DBX2: variants seen among roughly 807,000 people sequenced by gnomAD.
DBX2 encodes homeobox protein DBX2.
A neutral mutation model predicts 17.7 loss-of-function variants in DBX2; 16 were observed. That is an observed-to-expected ratio of 0.90 (90% CI 0.61 to 1.37). The LOEUF (loss-of-function observed/expected upper bound fraction) is 1.37. DBX2 is among the 40% of genes most tolerant of loss of function. DBX2 has a pLI of 0.00. For synonymous variants in DBX2, 255 were observed against 183.8 expected (o/e 1.39, Z -3.13); for missense variants, 538 against 433.8 (o/e 1.24, Z -2.13).
intron 2 of DBX2, among the ~76,000 whole-genome samples, chr12:45,032,643 G>A (rs1342024333): frequency 1.3e-5 from 2 of 152,140 alleles, no homozygotes; most frequent in Non-Finnish European, 2.9e-5. Flanking sequence ...GAAGAAGATA[G>A]CATAATTATC....
chr12:45,036,356 T>C (rs1946441089), intron 1 of DBX2, among the ~76,000 whole-genome samples: 1 of 152,242 alleles, frequency 6.6e-6, no homozygotes, highest in South Asian at 2.1e-4. Flanking sequence ...TAGATCATTT[T>C]CTGTGCGGTC....
intron 2 of DBX2, among the ~76,000 whole-genome samples, chr12:45,032,009 C>G (rs758305995): frequency 6.2e-4 from 95 of 152,050 alleles, no homozygotes; most frequent in Non-Finnish European, 6.3e-4. Flanking sequence ...TACCCTCCCC[C>G]ACCCTTCACC....
chr12:45,038,130 A>G (rs558244409), intron 1 of DBX2, among the ~76,000 whole-genome samples: 1 of 152,152 alleles, frequency 6.6e-6, no homozygotes, highest in South Asian at 2.1e-4. Context: ...TTACATTTTC[A>G]TTATTGCTAT....
At chr12:45,031,225 T>TGTGTGTGTGAGAGA (rs1377897653) in intron 2 of DBX2, among the ~76,000 whole-genome samples, 1,529 of 85,586 alleles carry the variant, frequency 0.018, 21 homozygotes, top group Non-Finnish European at 0.019. Context: ...TGTGTGTGTG[T>TGTGTGTGTGAGAGA]GAGAGAGAGA....
Position 45,016,362 on chromosome 12 carries a change from T to C in DBX2, c.944A>G (p.Asn315Ser). 2 of 1,613,090 alleles carry C rather than the reference T, an allele frequency of 1.2e-6. No homozygotes were observed. The highest frequency in any genetic ancestry group is 1.1e-5 in the South Asian group (1 of 90,864). Reference sequence around the variant, plus strand: ...TAAATATAAGGCACCTTGCAGTGAATTTGCTTCTGGGGGTGGTGCCCCTGA... The same window carrying C: ...TAAATATAAGGCACCTTGCAGTGAACTTGCTTCTGGGGGTGGTGCCCCTGA... ...ESSGAPPPEA[N>S]SLQGALYLCS... Residue 315 changes from asparagine (N) to serine (S), a missense_variant, in exon 4 of 4, where the codon AAT becomes AGT. Asn to Ser is a conservative substitution (Grantham distance 46). Coordinates refer to ENST00000332700, the MANE Select transcript of DBX2 (RefSeq NM_001004329.3).
intron 2 of DBX2, among the ~76,000 whole-genome samples, chr12:45,026,272 T>C (rs1005959880): frequency 6.6e-6 from 1 of 152,138 alleles, no homozygotes; most frequent in African/African-American, 2.4e-5. Flanking sequence ...AGTCAGTTAA[T>C]AGAGAACTGC....
At chr12:45,031,219 T>TGAGA (rs1482006522) in intron 2 of DBX2, among the ~76,000 whole-genome samples, 5 of 87,538 alleles carry the variant, frequency 5.7e-5, no homozygotes, top group Non-Finnish European at 6.5e-5. Context: ...TGTGTGTGTG[T>TGAGA]GTGTGTGAGA....
Position 45,050,568 on chromosome 12 carries a change from C to T in DBX2, c.360G>A (p.Arg120=). 1 of 1,552,568 alleles carries T rather than the reference C, an allele frequency of 6.4e-7. No homozygotes were observed. ...PSADSARLPG[R]APGDRDCTFQ... The stretch of plus-strand genomic sequence containing the variant: ...AGGTACAGTCTCGGTCCCCCGGAGC[C>T]CGGCCCGGCAGCCTCGCACTGTCCG... Residue 120 remains arginine (R), a synonymous_variant, in exon 1 of 4, where the codon CGG becomes CGA. Coordinates refer to ENST00000332700, the MANE Select transcript of DBX2 (RefSeq NM_001004329.3).
intron 2 of DBX2, among the ~76,000 whole-genome samples, chr12:45,025,910 G>A (rs1401061399): frequency 1.3e-5 from 2 of 151,134 alleles, no homozygotes; most frequent in Non-Finnish European, 2.9e-5. Context: ...ATGTCTGAAA[G>A]CCCAAGGAAT....
At chr12:45,023,275 G>C (rs1391505134) in intron 3 of DBX2, among the ~76,000 whole-genome samples, 1 of 152,176 alleles carries the variant, frequency 6.6e-6, no homozygotes, top group Non-Finnish European at 1.5e-5. Flanking sequence ...TTCATGGTTT[G>C]ATTTTTGGAT....
intron 2 of DBX2, among the ~76,000 whole-genome samples, chr12:45,032,675 C>T (rs549783447): frequency 6.6e-5 from 10 of 152,254 alleles, no homozygotes; most frequent in Non-Finnish European, 1.2e-4. Flanking sequence ...AATATAAGTT[C>T]ATCTCCCAAA....
rs138535944 is a variant in DBX2 at position 45,040,223 on chromosome 12, C to G, written c.404-4109G>C. Among the ~76,000 whole-genome samples, 473 of 152,186 alleles carry G rather than the reference C, an allele frequency of 3.1e-3. 2 individuals are homozygous for G. Among genetic ancestry groups the G allele is most frequent in the African/African-American group, 0.011 (440 of 41,526 alleles). The stretch of plus-strand genomic sequence containing the variant: ...AGACTAGACTGGCCTAGCCTACCAG[C>G]CTACATCTTTCTCCCGTGCTTCCTT... On this transcript the variant is annotated intron_variant, in intron 1 of 3. Transcript: ENST00000332700.
intron 1 of DBX2, among the ~76,000 whole-genome samples, chr12:45,041,721 A>T (rs1383068518): frequency 6.6e-6 from 1 of 152,190 alleles, no homozygotes; most frequent in Non-Finnish European, 1.5e-5. Flanking sequence ...TATCCTTTCA[A>T]TTTAGGGCAA....
At chr12:45,025,396 T>C (rs955614511) in intron 2 of DBX2, among the ~76,000 whole-genome samples, 2 of 152,270 alleles carry the variant, frequency 1.3e-5, no homozygotes, top group South Asian at 4.1e-4. Context: ...ACACCCCTGC[T>C]TGATTTTAGC....
chr12:45,023,637 T>C, intron 3 of DBX2, 70 bp downstream of exon 3: 1 of 1,590,566 alleles, frequency 6.3e-7, no homozygotes, highest in Non-Finnish European at 8.6e-7. Flanking sequence ...CCCACCACCC[T>C]GAACACAACT....
In DBX2 at chr12:45,038,256, T is replaced by C. The variant is rs145235723; in HGVS notation, c.404-2142A>G. Among the ~76,000 whole-genome samples the C allele has an allele frequency of 5.9e-3, 895 of 151,980 alleles. 14 individuals are homozygous for C. The highest frequency in any genetic ancestry group is 0.021 in the African/African-American group (857 of 41,548). On this transcript the variant is annotated intron_variant, in intron 1 of 3. Coordinates refer to ENST00000332700, the MANE Select transcript of DBX2 (RefSeq NM_001004329.3). ...TCCAAGATAAACATTCTATAAATAA[T>C]AAAATGATGGCTCTTGCACTGTTTT...
intron 1 of DBX2, among the ~76,000 whole-genome samples, chr12:45,042,982 C>T (rs554188321): frequency 5.9e-5 from 9 of 152,240 alleles, no homozygotes; most frequent in Admixed American, 1.3e-4. Context: ...GATCTAAACT[C>T]GAGGAGATTC....
At chr12:45,038,552 T>C (rs1278591697) in intron 1 of DBX2, among the ~76,000 whole-genome samples, 1 of 151,424 alleles carries the variant, frequency 6.6e-6, no homozygotes, top group Non-Finnish European at 1.5e-5. Flanking sequence ...TATATACATA[T>C]ATATATTACA....
intron 1 of DBX2, among the ~76,000 whole-genome samples, chr12:45,037,059 A>AAT (rs1301653916): frequency 9.2e-5 from 14 of 152,204 alleles, no homozygotes; most frequent in African/African-American, 2.9e-4. Context: ...CATTAGTATA[A>AAT]GTTGTTCTAT....
Sources: allele counts gnomAD v4.1 joint callset (sites outside exome capture counted in the v4.1 genomes callset), GRCh38; gene constraint gnomAD v4.1.1; transcripts MANE v1.5; gene names NCBI Gene and HGNC (gene_info 2026-07-23, HGNC 2026-07-21).